The following SIK3 variants were observed in gnomAD, a reference collection of about 807,000 sequenced individuals.
SIK3 encodes the protein SIK family kinase 3.
Under a neutral mutation model 144.2 loss-of-function variants are expected in SIK3, and 28 were observed. That is an observed-to-expected ratio of 0.19 (90% CI 0.14 to 0.27). The LOEUF (loss-of-function observed/expected upper bound fraction) is 0.27, where lower values mean the gene tolerates loss of function less well. Among genes scored for constraint, SIK3 ranks in the 10% least tolerant of loss-of-function variants. The probability of loss-of-function intolerance (pLI) is 1.00; values close to 1 mark genes in which losing one functional copy is unlikely to be tolerated. For synonymous variants in SIK3, 686 were observed against 676.3 expected, an observed-to-expected ratio of 1.01 and a Z score of -0.22; for missense variants, 1,319 against 1,776.0, an observed-to-expected ratio of 0.74 and a Z score of 4.62.
chr11:117,076,468 T>G (rs1297717441), intron 1 of SIK3, among the ~76,000 whole-genome samples: 1 of 152,194 alleles, frequency 6.6e-6, no homozygotes, highest in African/African-American at 2.4e-5. Context: ...AACTGTTATT[T>G]ACCAATTTAC....
chr11:116,858,110 C>T lies in SIK3; in HGVS notation c.3355G>A (p.Val1119Ile). The change falls in exon 21 of 25, where the codon GTC becomes ATC. Residue 1119 changes from valine to isoleucine, a missense_variant. Physicochemically the swap from Val to Ile is conservative, Grantham distance 29. Coordinates refer to ENST00000445177, the MANE Select transcript of SIK3 (RefSeq NM_001366686.3). The surrounding 1 kb of genome is among the most constrained non-coding windows in gnomAD (Gnocchi z 5.4). ...HLLQIRAQEC[V>I]SQASSPTPPH... ...GGGGTGGGTGAGGAAGCCTGTGAGA[C>T]ACATTCTTGTGCCCTGATTTGTAGC... The T allele has an allele frequency of 6.2e-7, 1 of 1,614,100 alleles. No homozygotes were observed.
chr11:117,003,496 T>A (rs964122152), intron 1 of SIK3, among the ~76,000 whole-genome samples: 9 of 151,768 alleles, frequency 5.9e-5, no homozygotes, highest in Admixed American at 3.3e-4. Flanking sequence ...AAAAAAAAAA[T>A]ATATTCAATG....
Position 116,982,943 on chromosome 11 carries a change from C to CAAA in SIK3, c.274-25882_274-25880dup, listed in dbSNP as rs35698580. Among the ~76,000 whole-genome samples the CAAA allele has an allele frequency of 4.0e-3, 280 of 69,840 alleles. 34 individuals carry two copies. Among genetic ancestry groups the CAAA allele is most frequent in the African/African-American group, 6.8e-3 (121 of 17,682 alleles). 45.8% of individuals were successfully genotyped at this position (69,840 alleles called of 152,430 possible). The stretch of plus-strand genomic sequence containing the variant: ...TGGGTGACGGTACGAGACTCCGTCT[C>CAAA]AAAAAAAAAAAAAAAAAAAAAAAAA... On this transcript the variant is annotated intron_variant, in intron 1 of 24. Transcript: ENST00000445177.
intron 1 of SIK3, among the ~76,000 whole-genome samples, chr11:117,003,288 A>G (rs1950922369): frequency 6.6e-6 from 1 of 152,224 alleles, no homozygotes; most frequent in South Asian, 2.1e-4. Context: ...CTTCTGTTCA[A>G]GAAGCCTTTA....
rs190231637 is a variant in SIK3 at position 116,988,547 on chromosome 11, G to A, written c.274-31483C>T. 1.1e-3 allele frequency among the ~76,000 whole-genome samples: 174 copies of A among 152,156 alleles called. 1 individual carries two copies. In the East Asian group the frequency reaches 0.017, roughly 15 times the overall value. On this transcript the variant is annotated intron_variant, in intron 1 of 24. Coordinates refer to ENST00000445177, the MANE Select transcript of SIK3 (RefSeq NM_001366686.3). Reference sequence around the variant, plus strand: ...TATAATCCCAGCACTTTGGGATGCCGAGGCAGGTGAATTGCTTGAGCTCAG... The same window carrying A: ...TATAATCCCAGCACTTTGGGATGCCAAGGCAGGTGAATTGCTTGAGCTCAG...
intron 1 of SIK3, among the ~76,000 whole-genome samples, chr11:116,993,309 C>A (rs886344043): frequency 2.0e-5 from 3 of 152,138 alleles, no homozygotes; most frequent in Non-Finnish European, 4.4e-5. Flanking sequence ...GCAACTATGC[C>A]CACCATTTTC....
At chr11:117,008,347 A>C (rs1591525645) in intron 1 of SIK3, among the ~76,000 whole-genome samples, 1 of 152,264 alleles carries the variant, frequency 6.6e-6, no homozygotes, top group East Asian at 1.9e-4. Flanking sequence ...TGTGGCTTGG[A>C]AAAATTAAGT....
At chr11:116,914,207 T>A (rs1946492002) in intron 4 of SIK3, among the ~76,000 whole-genome samples, 1 of 64,040 alleles carries the variant, frequency 1.6e-5, no homozygotes. Flanking sequence ...CCCTTCTCAA[T>A]TTTTTTTTTT....
rs145125484 is a variant in SIK3, at chr11:116,874,775, C to T, written c.1427+383G>A. ...CCTCTCAGGAGAATTCTTCCCACAA[C>T]CTTCTCTTCCTACTCAGCAAAGAAA... On this transcript the variant is annotated intron_variant, in intron 11 of 24. Coordinates refer to ENST00000445177, the MANE Select transcript of SIK3 (RefSeq NM_001366686.3). Among the ~76,000 whole-genome samples the T allele has an allele frequency of 2.2e-3, 333 of 152,284 alleles. 3 individuals are homozygous for T. Among genetic ancestry groups the T allele is most frequent in the African/African-American group, 7.5e-3 (311 of 41,568 alleles).
chr11:117,016,951 C>T (rs1197219533), intron 1 of SIK3, among the ~76,000 whole-genome samples: 1 of 152,164 alleles, frequency 6.6e-6, no homozygotes, highest in East Asian at 1.9e-4. Flanking sequence ...CAAACTACTG[C>T]TACACATAAT....
intron 1 of SIK3, among the ~76,000 whole-genome samples, chr11:117,023,621 A>AAAATATATATATATATATAT (rs754624841): frequency 4.2e-5 from 4 of 95,416 alleles, no homozygotes; most frequent in Non-Finnish European, 6.3e-5. Context: ...AAAAAAAAAA[A>AAAATATATATATATATATAT]ATATATATAT....
chr11:117,014,972 G>A (rs1043662037), intron 1 of SIK3, among the ~76,000 whole-genome samples: 2 of 152,088 alleles, frequency 1.3e-5, no homozygotes, highest in African/African-American at 4.8e-5. Flanking sequence ...GCTGAGGCAG[G>A]AGGATCACTT....
At chr11:116,908,556 A>G (rs2134919519) in intron 4 of SIK3, among the ~76,000 whole-genome samples, 1 of 152,276 alleles carries the variant, frequency 6.6e-6, no homozygotes, top group African/African-American at 2.4e-5. Context: ...TATCCAGACT[A>G]TCAAAAAGAA....
At chr11:116,949,372 T>C (rs12420518) in intron 3 of SIK3, among the ~76,000 whole-genome samples, 22,275 of 152,270 alleles carry the variant, frequency 0.15, 2,276 homozygotes, top group African/African-American at 0.28. Context: ...CTGACCATAC[T>C]CAGCCGTTAA....
At chr11:116,916,821 T>C (rs1479156800) in intron 4 of SIK3, among the ~76,000 whole-genome samples, 1 of 151,668 alleles carries the variant, frequency 6.6e-6, no homozygotes, top group African/African-American at 2.4e-5. Context: ...ATTTTTTTTT[T>C]AGGTCAGGCA....
At chr11:117,027,611 C>T (rs113080842) in intron 1 of SIK3, among the ~76,000 whole-genome samples, 2,162 of 152,006 alleles carry the variant, frequency 0.014, 63 homozygotes, top group African/African-American at 0.049. Context: ...TACACGCGCC[C>T]GCCACCATGC....
chr11:117,067,204 T>C (rs1050853552), intron 1 of SIK3, among the ~76,000 whole-genome samples: 1 of 152,092 alleles, frequency 6.6e-6, no homozygotes, highest in African/African-American at 2.4e-5. Context: ...AATGAAAACA[T>C]ACATCTACGC....
intron 21 of SIK3, among the ~76,000 whole-genome samples, chr11:116,856,089 C>T (rs956867791): frequency 2.0e-5 from 3 of 151,082 alleles, no homozygotes; most frequent in Admixed American, 1.3e-4. Context: ...CCCAGCTACT[C>T]GGGAGGCTGA....
chr11:116,895,537 C>T (rs1188992338), intron 6 of SIK3, among the ~76,000 whole-genome samples: 2 of 152,208 alleles, frequency 1.3e-5, no homozygotes, highest in African/African-American at 4.8e-5. Context: ...CCAGTGGACA[C>T]ATGTTCTTCC....
Sources: allele counts gnomAD v4.1 joint callset (sites outside exome capture counted in the v4.1 genomes callset), GRCh38; gene constraint gnomAD v4.1.1; non-coding constraint Gnocchi (gnomAD v3.1); transcripts MANE v1.5; gene names NCBI Gene and HGNC (gene_info 2026-07-23, HGNC 2026-07-21).